Variants in DPF3 observed in about 807,000 individuals in gnomAD.
DPF3 encodes the protein zinc finger protein DPF3.
A neutral mutation model predicts 56.8 loss-of-function variants in DPF3; 18 were observed. That is an observed-to-expected ratio of 0.32 (90% confidence interval 0.22 to 0.47). DPF3 has a LOEUF of 0.47. Among genes scored for constraint, DPF3 ranks in the 20% least tolerant of loss-of-function variants. The pLI is 1.00. For synonymous variants in DPF3, 188 were observed against 180.2 expected (o/e 1.04, Z -0.35); for missense variants, 403 against 488.8 (o/e 0.82, Z 1.65).
At chr14:72,640,388 G>T (rs1391647509) in intron 8 of DPF3, among the ~76,000 whole-genome samples, 1 of 152,166 alleles carries the variant, frequency 6.6e-6, no homozygotes, top group Admixed American at 6.5e-5. Context: ...GGGGAAGGGG[G>T]ACCAGTCACT....
At chr14:72,763,818 A>C (rs1891155151) in intron 2 of DPF3, among the ~76,000 whole-genome samples, 1 of 152,232 alleles carries the variant, frequency 6.6e-6, no homozygotes, top group African/African-American at 2.4e-5. Context: ...TGTAAAAAAA[A>C]ATTTGCAAAG....
intron 8 of DPF3, among the ~76,000 whole-genome samples, chr14:72,651,168 T>A (rs1341019390): frequency 6.6e-6 from 1 of 152,206 alleles, no homozygotes; most frequent in Non-Finnish European, 1.5e-5. Context: ...TTCTGCAGCA[T>A]GGCCCTGGCC....
At chr14:72,842,685 A>G (rs997741948) in intron 1 of DPF3, among the ~76,000 whole-genome samples, 2 of 152,184 alleles carry the variant, frequency 1.3e-5, no homozygotes, top group Admixed American at 6.5e-5. Flanking sequence ...TGTATGTTAT[A>G]CTTCAGTTTT....
chr14:72,680,037 G>C (rs992209536), intron 7 of DPF3, among the ~76,000 whole-genome samples: 6 of 152,032 alleles, frequency 3.9e-5, no homozygotes, highest in African/African-American at 1.2e-4. Context: ...AGGGAGAGGC[G>C]GGCTGGGGAG....
chr14:72,781,274 AT>A (rs1487600360), intron 1 of DPF3, among the ~76,000 whole-genome samples: 1 of 152,202 alleles, frequency 6.6e-6, no homozygotes, highest in Non-Finnish European at 1.5e-5. Flanking sequence ...CCCTAACAAA[AT>A]TGCCAAAAGC....
rs1372754207 is a variant in DPF3, at chr14:72,771,906, G to A, written c.33-13C>T. 25 of 1,564,032 alleles carry A rather than the reference G, an allele frequency of 1.6e-5. No homozygotes were observed. Among genetic ancestry groups the A allele is most frequent in the Non-Finnish European group, 2.2e-5 (25 of 1,156,572 alleles). On this transcript the variant is annotated splice_polypyrimidine_tract_variant and intron_variant, in intron 1 of 10. Transcript: ENST00000556509. ...CTGGTCCCCGAGCCTGCCAGAGTCAGAGAGTGAAGGGGTGAGGCCAGGGAA... is the reference window on the plus strand; with the variant it reads ...CTGGTCCCCGAGCCTGCCAGAGTCAAAGAGTGAAGGGGTGAGGCCAGGGAA...
At chr14:72,721,332 GA>G (rs1258132923) in intron 5 of DPF3, among the ~76,000 whole-genome samples, 1 of 152,206 alleles carries the variant, frequency 6.6e-6, no homozygotes, top group Non-Finnish European at 1.5e-5. Flanking sequence ...GTAGGTTGGG[GA>G]GAGGTGTGAA....
At chr14:72,681,890 G>T (rs1237003897) in intron 7 of DPF3, among the ~76,000 whole-genome samples, 1 of 152,226 alleles carries the variant, frequency 6.6e-6, no homozygotes, top group Non-Finnish European at 1.5e-5. Flanking sequence ...TGCCATTAAT[G>T]CTTCGGAATA....
chr14:72,876,442 T>C (rs1886119749), intron 1 of DPF3, among the ~76,000 whole-genome samples: 1 of 152,056 alleles, frequency 6.6e-6, no homozygotes, highest in South Asian at 2.1e-4. Flanking sequence ...ATGAGGAGTA[T>C]GAGTCTCCCC....
At chr14:72,681,371 A>C (rs553360096) in intron 7 of DPF3, among the ~76,000 whole-genome samples, 3 of 152,202 alleles carry the variant, frequency 2.0e-5, no homozygotes, top group Non-Finnish European at 4.4e-5. Context: ...CTCCCCCAGG[A>C]ATCCTCTCTC....
At chr14:72,623,702 A>G (rs1455899999) in intron 9 of DPF3, among the ~76,000 whole-genome samples, 1 of 152,254 alleles carries the variant, frequency 6.6e-6, no homozygotes, top group Non-Finnish European at 1.5e-5. Context: ...ATGCATCAGT[A>G]TAAATTCATG....
chr14:72,762,608 T>C (rs1334417448), intron 2 of DPF3, among the ~76,000 whole-genome samples: 1 of 151,364 alleles, frequency 6.6e-6, no homozygotes, highest in Non-Finnish European at 1.5e-5. Flanking sequence ...TGATAAAGAA[T>C]ATCTACAAAA....
chr14:72,839,500 G>A (rs921120786), intron 1 of DPF3, among the ~76,000 whole-genome samples: 5 of 152,240 alleles, frequency 3.3e-5, no homozygotes, highest in Admixed American at 6.5e-5. Context: ...TGAGATCCAC[G>A]TGAAAGACCT....
chr14:72,802,583 A>G (rs1204243902), intron 1 of DPF3, among the ~76,000 whole-genome samples: 2 of 152,154 alleles, frequency 1.3e-5, no homozygotes, highest in Non-Finnish European at 2.9e-5. Context: ...ACATGCCCCC[A>G]ACAGCCCAGA....
chr14:72,669,398 C>T (rs1344585370), intron 8 of DPF3, among the ~76,000 whole-genome samples: 1 of 152,174 alleles, frequency 6.6e-6, no homozygotes, highest in Non-Finnish European at 1.5e-5. Context: ...CCCTGGCCAA[C>T]CTTAAAGGGA....
At chr14:72,876,318 A>G (rs1172627495) in intron 1 of DPF3, among the ~76,000 whole-genome samples, 1 of 152,142 alleles carries the variant, frequency 6.6e-6, no homozygotes, top group Non-Finnish European at 1.5e-5. Flanking sequence ...GAAACCAAGG[A>G]CGGGGTCCAG....
intron 1 of DPF3, among the ~76,000 whole-genome samples, chr14:72,785,888 T>A (rs949088896): frequency 2.0e-5 from 3 of 152,130 alleles, no homozygotes; most frequent in African/African-American, 7.2e-5. Flanking sequence ...TGCCAGAAAG[T>A]CATAAACTAA....
rs572640837 is a variant in DPF3 at position 72,683,636 on chromosome 14, G to C, written c.743-9268C>G. On this transcript the variant is annotated intron_variant, in intron 7 of 10. Coordinates refer to ENST00000556509, the MANE Select transcript of DPF3 (RefSeq NM_001280542.3). ...GTTAGTCAGTGGCTCACTTGGCTCT[G>C]AACCCAAGCAACCGCGCACCTGAGG... Among the ~76,000 whole-genome samples, 3 of 152,290 alleles carry C rather than the reference G, an allele frequency of 2.0e-5. No individual in the cohort carries two copies. In the South Asian group the frequency reaches 6.2e-4, roughly 32 times the overall value.
At chr14:72,824,964 T>C (rs1290483685) in intron 1 of DPF3, among the ~76,000 whole-genome samples, 1 of 152,156 alleles carries the variant, frequency 6.6e-6, no homozygotes, top group Non-Finnish European at 1.5e-5. Context: ...CTTGGCTCAC[T>C]GAAACCTCCA....
Sources: gnomAD v4.1 joint callset for allele counts (sites outside exome capture counted in the v4.1 genomes callset) on GRCh38, gnomAD v4.1.1 for gene constraint, MANE v1.5 for transcripts, NCBI Gene and HGNC (gene_info 2026-07-23, HGNC 2026-07-21) for gene names.